Variants in SEC14L1 observed in about 807,000 individuals in gnomAD.
The protein encoded by SEC14L1 is SEC14 like lipid binding 1, also known as SEC14-like protein 1.
In SEC14L1, 48 loss-of-function variants were observed where a neutral mutation model predicts 85.3. The observed-to-expected ratio is 0.56, with a 90% CI of 0.45 to 0.72. The LOEUF (loss-of-function observed/expected upper bound fraction) is 0.72, where lower values mean the gene tolerates loss of function less well. Ranked by LOEUF, SEC14L1 falls within the 30% of genes least tolerant of loss-of-function variation. The pLI is 0.00. For missense variants in SEC14L1, 682 were observed against 921.4 expected (o/e 0.74, Z 3.36); for synonymous variants, 391 against 355.5 (o/e 1.10, Z -1.12).
intron 3 of SEC14L1, among the ~76,000 whole-genome samples, chr17:77,129,383 TG>T (rs1972547980): frequency 6.6e-6 from 1 of 152,130 alleles, no homozygotes; most frequent in African/African-American, 2.4e-5. Context: ...CCTGCCAACG[TG>T]GGGAAGGGTG....
intron 3 of SEC14L1, among the ~76,000 whole-genome samples, chr17:77,183,304 A>G (rs1426576243): frequency 1.3e-5 from 2 of 152,224 alleles, no homozygotes; most frequent in Non-Finnish European, 2.9e-5. Flanking sequence ...ACCTGTATGC[A>G]TGTCCGCTAG....
chr17:77,093,061 G>C (rs923245820), intron 2 of SEC14L1, among the ~76,000 whole-genome samples: 5 of 152,076 alleles, frequency 3.3e-5, no homozygotes, highest in Non-Finnish European at 7.4e-5. Flanking sequence ...TGTAGACTTG[G>C]AAGAATGAGG....
At chr17:77,148,453 G>T (rs1446234714) in intron 3 of SEC14L1, among the ~76,000 whole-genome samples, 4 of 152,134 alleles carry the variant, frequency 2.6e-5, no homozygotes, top group Non-Finnish European at 5.9e-5. Context: ...GTCCAGTGCC[G>T]TTTCTGTCTG....
intron 3 of SEC14L1, among the ~76,000 whole-genome samples, chr17:77,105,259 C>T (rs1421278626): frequency 6.6e-6 from 1 of 152,042 alleles, no homozygotes; most frequent in African/African-American, 2.4e-5. Flanking sequence ...AAAGTCCACT[C>T]CAGGGCCATG....
At chr17:77,201,309 G>A (rs987585282) in intron 9 of SEC14L1, among the ~76,000 whole-genome samples, 1 of 152,164 alleles carries the variant, frequency 6.6e-6, no homozygotes, top group Non-Finnish European at 1.5e-5. Flanking sequence ...TGGAAACGTC[G>A]GCGAGAGGGA....
At chr17:77,123,916 T>C (rs1006839846) in intron 3 of SEC14L1, among the ~76,000 whole-genome samples, 9 of 152,220 alleles carry the variant, frequency 5.9e-5, no homozygotes, top group Admixed American at 1.3e-4. Flanking sequence ...TATTTTATAA[T>C]TTTAAAATTT....
chr17:77,197,914 C>G (rs1316427435), intron 8 of SEC14L1, among the ~76,000 whole-genome samples: 1 of 152,192 alleles, frequency 6.6e-6, no homozygotes, highest in Non-Finnish European at 1.5e-5. Context: ...CCTCGAATGA[C>G]TTTTTAAAGA....
chr17:77,152,233 C>T (rs1275088135), intron 3 of SEC14L1, among the ~76,000 whole-genome samples: 1 of 152,158 alleles, frequency 6.6e-6, no homozygotes, highest in Non-Finnish European at 1.5e-5. Context: ...TCCATAGAGA[C>T]TGTCAGAAAT....
chr17:77,197,938 T>C (rs927288525), intron 8 of SEC14L1, among the ~76,000 whole-genome samples: 2 of 152,276 alleles, frequency 1.3e-5, no homozygotes. Flanking sequence ...TGCTAAATTA[T>C]AACTTAGTCT....
rs372264370 is a variant in SEC14L1 at position 77,206,404 on chromosome 17, G to A, written c.1341+4G>A. The A allele has an allele frequency of 1.9e-6, 3 of 1,612,226 alleles. No individual in the cohort carries two copies. Among genetic ancestry groups the A allele is most frequent in the Non-Finnish European group, 2.5e-6 (3 of 1,178,562 alleles). On this transcript the variant is annotated splice_donor_region_variant and intron_variant, in intron 12 of 16. Transcript: ENST00000436233. The surrounding 1 kb of genome is among the most constrained non-coding windows in gnomAD (Gnocchi z 4.3). ...ATTTCCTGTGCTCTGGACGCTGGTGGGTTGAGATGCTTTTTGCAGTAACTG... is the reference window on the plus strand; with the variant it reads ...ATTTCCTGTGCTCTGGACGCTGGTGAGTTGAGATGCTTTTTGCAGTAACTG...
At chr17:77,169,526 G>A (rs1974437645) in intron 3 of SEC14L1, among the ~76,000 whole-genome samples, 1 of 152,218 alleles carries the variant, frequency 6.6e-6, no homozygotes, top group South Asian at 2.1e-4. Flanking sequence ...TGTTTAATGT[G>A]CGAGCAGAAT....
At chr17:77,185,408 T>C (rs749769508) in intron 3 of SEC14L1, 60 of 984,488 alleles carry the variant, frequency 6.1e-5, no homozygotes, top group Non-Finnish European at 6.9e-5. Context: ...TGTGCAAATA[T>C]GAGTCTACGT....
At chr17:77,211,448 C>T (rs546139921) in intron 14 of SEC14L1, 11 of 159,614 alleles carry the variant, frequency 6.9e-5, no homozygotes, top group East Asian at 1.9e-4. Context: ...GGGCTCATCC[C>T]GCTCACCCAG....
chr17:77,169,493 C>T (rs771384136), intron 3 of SEC14L1, among the ~76,000 whole-genome samples: 8 of 152,200 alleles, frequency 5.3e-5, no homozygotes, highest in Non-Finnish European at 1.2e-4. Context: ...GCCTGCCTGC[C>T]GCACAAGCCT....
At chr17:77,089,134 T>C (rs1199175271) in intron 1 of SEC14L1, 1 of 297,720 alleles carries the variant, frequency 3.4e-6, no homozygotes, top group East Asian at 9.5e-5. Flanking sequence ...AAGCACATTA[T>C]GTTACTTTTT....
At chr17:77,124,524 G>C (rs1241690068) in intron 3 of SEC14L1, among the ~76,000 whole-genome samples, 2 of 152,164 alleles carry the variant, frequency 1.3e-5, no homozygotes, top group Non-Finnish European at 2.9e-5. Flanking sequence ...CCCTGTCTTG[G>C]CTAATAACAT....
At chr17:77,140,819 C>G (rs982799647), upstream of SEC14L1, 1 of 152,016 alleles carries the variant, frequency 6.6e-6, no homozygotes, top group African/African-American at 2.4e-5. Flanking sequence ...CCCGGGTGTC[C>G]TCCCCCCTCC....
At position 77,193,464 on chromosome 17, in the gene SEC14L1, C is replaced by T. The variant is rs1443206718; in HGVS notation, c.389C>T (p.Ala130Val). The change falls in exon 6 of 17, where the codon GCA becomes GTA. Residue 130 changes from alanine to valine, a missense_variant. Ala to Val is a moderately conservative substitution (Grantham distance 64). This residue lies in a region of SEC14L1 where 139 missense variants were observed against 201.3 expected (regional missense o/e 0.69). Coordinates refer to ENST00000436233, the MANE Select transcript of SEC14L1 (RefSeq NM_001143998.2). ...NEDWTCFEQS[A>V]SLDIKSFFGF... Reference sequence around the variant, plus strand: ...GATTGGACCTGTTTTGAACAGTCTGCAAGTTTAGATATTAAATCTTTCTTT... The same window carrying T: ...GATTGGACCTGTTTTGAACAGTCTGTAAGTTTAGATATTAAATCTTTCTTT... The T allele has an allele frequency of 6.2e-7, 1 of 1,612,352 alleles. No homozygotes were observed. Among genetic ancestry groups the T allele is most frequent in the Non-Finnish European group, 8.5e-7 (1 of 1,178,822 alleles).
In SEC14L1 at chr17:77,200,344, T is replaced by C. The variant is rs148721993; in HGVS notation, c.820-140T>C. ...CCACCATGCCTGGCTGATTTTTGTA[T>C]TTTTAGTAGAGATGGCATTTCACCA... On this transcript the variant is annotated intron_variant, in intron 8 of 16. Transcript: ENST00000436233. 105 of 617,666 alleles carry C rather than the reference T, an allele frequency of 1.7e-4. No individual in the cohort carries two copies. In the Middle Eastern group the frequency reaches 2.2e-3, roughly 13 times the overall value. 38.3% of individuals were successfully genotyped at this position (617,666 alleles called of 1,614,324 possible). A position where few individuals can be genotyped will look rare whatever the true frequency, so the allele number is the denominator to read the frequency against.
Sources: gnomAD v4.1 joint callset for allele counts (sites outside exome capture counted in the v4.1 genomes callset) on GRCh38, gnomAD v4.1.1 for gene constraint, gnomAD v4.1.1 regional missense constraint, Gnocchi (gnomAD v3.1) non-coding constraint, MANE v1.5 for transcripts, NCBI Gene and HGNC (gene_info 2026-07-23, HGNC 2026-07-21) for gene names.